Variants in PDS5A observed in about 807,000 individuals in gnomAD.
PDS5A encodes PDS5 cohesin associated factor A.
A neutral mutation model predicts 167.1 loss-of-function variants in PDS5A; 42 were observed. The ratio of observed to expected loss-of-function variants is 0.25; its 90% confidence interval spans 0.20 to 0.33. The LOEUF (loss-of-function observed/expected upper bound fraction) is 0.33, where lower values mean the gene tolerates loss of function less well. Among genes scored for constraint, PDS5A ranks in the 10% least tolerant of loss-of-function variants. The pLI is 1.00. For synonymous variants in PDS5A, 553 were observed against 554.6 expected, an observed-to-expected ratio of 1.00 and a Z score of 0.04; for missense variants, 1,033 against 1,605.9, an observed-to-expected ratio of 0.64 and a Z score of 6.10.
chr4:39,897,330 G>C (rs1202214286), intron 16 of PDS5A, among the ~76,000 whole-genome samples: 1 of 152,172 alleles, frequency 6.6e-6, no homozygotes, highest in Non-Finnish European at 1.5e-5. Context: ...AGGAGGTGGA[G>C]GTTGCAGTGA....
intron 2 of PDS5A, among the ~76,000 whole-genome samples, chr4:39,944,141 T>G (rs1453508248): frequency 7.4e-6 from 1 of 135,254 alleles, no homozygotes; most frequent in Non-Finnish European, 1.5e-5. Flanking sequence ...ATCACACCAC[T>G]GCAGTCCAGC....
At chr4:39,835,098 C>T (rs1268149400) in intron 32 of PDS5A, among the ~76,000 whole-genome samples, 2 of 152,096 alleles carry the variant, frequency 1.3e-5, no homozygotes, top group African/African-American at 2.4e-5. Context: ...GCCACCACAC[C>T]CAGCTAATTT....
intron 5 of PDS5A, among the ~76,000 whole-genome samples, 159 bp from the exon 6 acceptor site, chr4:39,922,907 C>T (rs1725119176): frequency 6.6e-6 from 1 of 152,146 alleles, no homozygotes; most frequent in African/African-American, 2.4e-5. Context: ...GAAATTTTGG[C>T]TGCTCTATTT....
chr4:39,885,107 C>CA (rs1721306904), intron 17 of PDS5A, among the ~76,000 whole-genome samples: 2 of 150,692 alleles, frequency 1.3e-5, no homozygotes, highest in African/African-American at 4.9e-5. Flanking sequence ...ACTAAAAATA[C>CA]AAAAAATTAA....
At chr4:39,883,399 T>C (rs972121565) in intron 17 of PDS5A, among the ~76,000 whole-genome samples, 7 of 152,222 alleles carry the variant, frequency 4.6e-5, no homozygotes, top group African/African-American at 1.7e-4. Flanking sequence ...CAGGCTGGTC[T>C]TGAACTCCTG....
intron 32 of PDS5A, among the ~76,000 whole-genome samples, chr4:39,833,781 G>A (rs113821957): frequency 0.046 from 6,975 of 152,162 alleles, 183 homozygotes; most frequent in Middle Eastern, 0.058. Flanking sequence ...TGTTTCTGCC[G>A]ATTCAAGAGG....
chr4:39,918,738 A>G (rs1482313279), intron 7 of PDS5A, among the ~76,000 whole-genome samples: 1 of 152,134 alleles, frequency 6.6e-6, no homozygotes, highest in Non-Finnish European at 1.5e-5. Context: ...TCTGCAGTAC[A>G]GCCACTAAGG....
At position 39,929,535 on chromosome 4, in the gene PDS5A, A is replaced by C. The variant is rs889515370; in HGVS notation, c.139-1371T>G. On this transcript the variant is annotated intron_variant, in intron 2 of 32. Transcript: ENST00000303538. The stretch of plus-strand genomic sequence containing the variant: ...CTTAATAAACTATATATATATATAT[A>C]TATATATATATATATATATATCCCA... Among the ~76,000 whole-genome samples the C allele has an allele frequency of 2.8e-3, 289 of 102,644 alleles. 9 individuals are homozygous for C. Among genetic ancestry groups the C allele is most frequent in the Non-Finnish European group, 4.8e-3 (240 of 49,550 alleles). 67.3% of individuals were successfully genotyped at this position (102,644 alleles called of 152,430 possible). A position where few individuals can be genotyped will look rare whatever the true frequency, so the allele number is the denominator to read the frequency against.
intron 19 of PDS5A, among the ~76,000 whole-genome samples, chr4:39,875,809 T>C (rs939691455): frequency 1.3e-5 from 2 of 152,174 alleles, no homozygotes; most frequent in South Asian, 2.1e-4. Context: ...AGATTTCTTA[T>C]AACACTGGTG....
chr4:39,962,879 T>C (rs1729623754), intron 2 of PDS5A, among the ~76,000 whole-genome samples: 1 of 151,502 alleles, frequency 6.6e-6, no homozygotes, highest in Admixed American at 6.6e-5. Context: ...GGAGAATCAC[T>C]TGAACCTGGG....
chr4:39,897,014 CTGTTA>C (rs1722477248), intron 16 of PDS5A, among the ~76,000 whole-genome samples: 1 of 151,854 alleles, frequency 6.6e-6, no homozygotes. Context: ...ACCCTGAGTT[CTGTTA>C]TAATATTATG....
intron 9 of PDS5A, among the ~76,000 whole-genome samples, chr4:39,910,595 TC>T (rs1283005407): frequency 3.9e-5 from 6 of 152,154 alleles, no homozygotes; most frequent in African/African-American, 9.7e-5. Context: ...AACAAACACA[TC>T]CTTCAACCCA....
At chr4:39,834,960 T>C (rs925770577) in intron 32 of PDS5A, among the ~76,000 whole-genome samples, 1 of 152,150 alleles carries the variant, frequency 6.6e-6, no homozygotes, top group African/African-American at 2.4e-5. Context: ...GCCCGACTAA[T>C]TTTGTATTTA....
At chr4:39,868,044 T>C (rs1337306410) in intron 22 of PDS5A, among the ~76,000 whole-genome samples, 1 of 152,136 alleles carries the variant, frequency 6.6e-6, no homozygotes, top group Admixed American at 6.5e-5. Context: ...AATGAACTGA[T>C]AGAATATATG....
chr4:39,855,151 C>T (rs1487796388), intron 26 of PDS5A, among the ~76,000 whole-genome samples: 3 of 152,048 alleles, frequency 2.0e-5, no homozygotes, highest in Non-Finnish European at 4.4e-5. Context: ...CCTCATGGGA[C>T]CCAGCAACCA....
At chr4:39,898,256 T>C (rs1381221066) in intron 16 of PDS5A, 133 bp downstream of exon 16, 1 of 1,332,936 alleles carries the variant, frequency 7.5e-7, no homozygotes, top group Admixed American at 3.6e-5. Flanking sequence ...TGACAATAGA[T>C]ATACTCCAAA....
intron 17 of PDS5A, among the ~76,000 whole-genome samples, chr4:39,881,140 CT>C (rs912234252): frequency 6.6e-5 from 10 of 151,880 alleles, no homozygotes; most frequent in African/African-American, 2.4e-5. Context: ...GCATTTCATT[CT>C]TTTTTTTATG....
Position 39,845,873 on chromosome 4 carries a change from C to T in PDS5A, c.3347G>A (p.Cys1116Tyr). ...KFFTQPEKDFCNDKSYISEET... is the reference protein window; with the variant it reads ...KFFTQPEKDFYNDKSYISEET... The stretch of plus-strand genomic sequence containing the variant: ...TTCTGAAATATAACTCTTATCGTTA[C>T]AGAAGTCCTATTAAAAAAAAAAAAG... Residue 1116 changes from cysteine to tyrosine, a missense_variant, in exon 29 of 33, where the codon TGT (cysteine) becomes TAT (tyrosine). Coordinates refer to ENST00000303538, the MANE Select transcript of PDS5A (RefSeq NM_001100399.2). The T allele has an allele frequency of 7.5e-7, 1 of 1,334,852 alleles. No homozygotes were observed. The highest frequency in any genetic ancestry group is 9.7e-7 in the Non-Finnish European group (1 of 1,026,688). The allele number at this position is 1,334,852 out of a possible 1,614,324, so 82.7% of individuals were successfully genotyped here. A position where few individuals can be genotyped will look rare whatever the true frequency, so the allele number is the denominator to read the frequency against.
chr4:39,853,765 T>A (rs1322675072), intron 26 of PDS5A, among the ~76,000 whole-genome samples: 1 of 152,218 alleles, frequency 6.6e-6, no homozygotes, highest in Non-Finnish European at 1.5e-5. Flanking sequence ...CCCCAATTCA[T>A]AGCCAATTTT....
Sources: gnomAD v4.1 joint callset for allele counts (sites outside exome capture counted in the v4.1 genomes callset) on GRCh38, gnomAD v4.1.1 for gene constraint, MANE v1.5 for transcripts, NCBI Gene and HGNC (gene_info 2026-07-23, HGNC 2026-07-21) for gene names.